IPO9: variants seen among roughly 807,000 people sequenced by gnomAD.
IPO9 encodes the protein importin 9, also known as importin-9.
In IPO9, 28 loss-of-function variants were observed where a neutral mutation model predicts 128.6. The ratio of observed to expected loss-of-function variants is 0.22; its 90% CI spans 0.16 to 0.30. The LOEUF is 0.30. IPO9 is among the 10% of genes least tolerant of loss of function. The pLI is 1.00. For missense variants in IPO9, 935 were observed against 1,293.9 expected, an observed-to-expected ratio of 0.72 and a Z score of 4.26; for synonymous variants, 455 against 475.8, an observed-to-expected ratio of 0.96 and a Z score of 0.57.
chr1:201,869,726 A>T lies in IPO9; in HGVS notation c.2133+8A>T. 6.2e-7 allele frequency: 1 copy of T among 1,613,906 alleles called. No homozygotes were observed. Among genetic ancestry groups the T allele is most frequent in the Non-Finnish European group, 8.5e-7 (1 of 1,179,874 alleles). On this transcript the variant is annotated splice_region_variant and intron_variant, in intron 17 of 23. Transcript: ENST00000361565. ...GACAATGCCACCATGCAGGTATCTGAGACATGGAGAGTAGAAGAGGGAAGA... is the reference window on the plus strand; with the variant it reads ...GACAATGCCACCATGCAGGTATCTGTGACATGGAGAGTAGAAGAGGGAAGA...
chr1:201,873,013 G>T (rs1680686847), intron 20 of IPO9, 52 bp downstream of exon 20: 2 of 1,548,438 alleles, frequency 1.3e-6, no homozygotes, highest in East Asian at 2.3e-5. Context: ...AGGGGCTAAG[G>T]ATACCTGGGT....
chr1:201,872,156 A>G (rs1466999658), intron 19 of IPO9, among the ~76,000 whole-genome samples: 1 of 152,144 alleles, frequency 6.6e-6, no homozygotes, highest in Non-Finnish European at 1.5e-5. Flanking sequence ...AATCGCTTGA[A>G]CCAAGGAGGC....
At position 201,880,174 on chromosome 1, in the gene IPO9, C is replaced by T. The variant is rs1680859371; in HGVS notation, c.*4120C>T. The stretch of plus-strand genomic sequence containing the variant: ...ACCAGTCTGGGCAATGTGGCAATAC[C>T]TTGTCTCTTAAAATTTAAAATAAAA... On this transcript the variant is annotated 3_prime_UTR_variant, in exon 24 of 24. Coordinates refer to ENST00000361565, the MANE Select transcript of IPO9 (RefSeq NM_018085.5). 1 of 152,136 alleles carries T rather than the reference C, an allele frequency of 6.6e-6. No homozygotes were observed. The highest frequency in any genetic ancestry group is 1.5e-5 in the Non-Finnish European group (1 of 68,038). The allele number at this position is 152,136 out of a possible 1,614,324, so 9.4% of individuals were successfully genotyped here. A position where few individuals can be genotyped will look rare whatever the true frequency, so the allele number is the denominator to read the frequency against.
rs192691280 is a variant in IPO9 at position 201,830,657 on chromosome 1, C to T, written c.163+1285C>T. Among the ~76,000 whole-genome samples, 5 of 152,232 alleles carry T rather than the reference C, an allele frequency of 3.3e-5. No individual in the cohort carries two copies. In the East Asian group the frequency reaches 9.6e-4, roughly 29 times the overall value. On this transcript the variant is annotated intron_variant, in intron 1 of 23. Coordinates refer to ENST00000361565, the MANE Select transcript of IPO9 (RefSeq NM_018085.5). ...TTTTTAGCGGCTTCTAAATAAAATTCGTTTATGCACATTAATGTCTGTCCC... is the reference window on the plus strand; with the variant it reads ...TTTTTAGCGGCTTCTAAATAAAATTTGTTTATGCACATTAATGTCTGTCCC...
rs369887178 is a variant in IPO9 at position 201,859,644 on chromosome 1, CAT to C, written c.1468+651_1468+652del. On this transcript the variant is annotated intron_variant, in intron 13 of 23. Transcript: ENST00000361565. ...AATTAAAATGTTCCATTCTCATACC[CAT>C]GTTAGCCATCTGTCTTAAAAAGAAA... Among the ~76,000 whole-genome samples the C allele has an allele frequency of 5.3e-5, 8 of 152,208 alleles. No homozygotes were observed. In the East Asian group the frequency reaches 1.5e-3, roughly 29 times the overall value.
At chr1:201,856,932 C>T (rs555585639) in intron 10 of IPO9, among the ~76,000 whole-genome samples, 164 bp from the exon 11 acceptor site, 1 of 152,206 alleles carries the variant, frequency 6.6e-6, no homozygotes, top group South Asian at 2.1e-4. Context: ...AGCAGTCCTC[C>T]CACCTTGGCC....
intron 1 of IPO9, among the ~76,000 whole-genome samples, chr1:201,833,586 T>G (rs1679876446): frequency 1.3e-5 from 2 of 152,286 alleles, no homozygotes; most frequent in East Asian, 3.9e-4. Flanking sequence ...GCTAGTCACT[T>G]GGAATCTGGA....
chr1:201,856,588 A>G (rs189155242), intron 10 of IPO9, among the ~76,000 whole-genome samples: 141 of 152,344 alleles, frequency 9.3e-4, no homozygotes, highest in African/African-American at 3.1e-3. Context: ...AGCCATTGCT[A>G]CCTACCTTGC....
intron 1 of IPO9, among the ~76,000 whole-genome samples, chr1:201,831,496 A>G (rs980610425): frequency 2.0e-5 from 3 of 152,168 alleles, no homozygotes; most frequent in African/African-American, 7.2e-5. Context: ...AAAAAACTAT[A>G]GAGATTTACC....
chr1:201,845,027 G>T (rs556211602), intron 1 of IPO9, among the ~76,000 whole-genome samples: 22 of 149,022 alleles, frequency 1.5e-4, no homozygotes, highest in African/African-American at 3.8e-4. Context: ...TTTTTGGGAG[G>T]GGGGGGCGTA....
At chr1:201,869,505 A>C in intron 16 of IPO9, 85 bp from the exon 17 acceptor site, 1 of 1,516,760 alleles carries the variant, frequency 6.6e-7, no homozygotes, top group Non-Finnish European at 8.9e-7. Flanking sequence ...GTTGCTATGT[A>C]ATACCCATCC....
intron 14 of IPO9, among the ~76,000 whole-genome samples, chr1:201,863,949 A>T (rs533939820): frequency 1.3e-5 from 2 of 152,246 alleles, no homozygotes; most frequent in African/African-American, 4.8e-5. Context: ...GCAGGATTAG[A>T]GTCCACATCA....
At chr1:201,845,177 C>T (rs989641295) in intron 1 of IPO9, among the ~76,000 whole-genome samples, 19 of 152,176 alleles carry the variant, frequency 1.2e-4, no homozygotes, top group African/African-American at 3.6e-4. Flanking sequence ...CCACCATATC[C>T]GGCTAATTTT....
rs539757722 is a variant in IPO9 at position 201,855,700 on chromosome 1, A to G, written c.971-83A>G. On this transcript the variant is annotated intron_variant, in intron 9 of 23. Coordinates refer to ENST00000361565, the MANE Select transcript of IPO9 (RefSeq NM_018085.5). ...TACTTTAAATATTCAGTAATTTACAAAGGTTATGTAGTTCATTTTCTGCAT... is the reference window on the plus strand; with the variant it reads ...TACTTTAAATATTCAGTAATTTACAGAGGTTATGTAGTTCATTTTCTGCAT... 14 of 1,213,396 alleles carry G rather than the reference A, an allele frequency of 1.2e-5. No individual in the cohort carries two copies. In the East Asian group the frequency reaches 2.9e-4, roughly 25 times the overall value. 75.2% of individuals were successfully genotyped at this position (1,213,396 alleles called of 1,614,324 possible).
chr1:201,848,687 A>G (rs562121762), intron 4 of IPO9, 93 bp downstream of exon 4: 38 of 1,214,434 alleles, frequency 3.1e-5, no homozygotes, highest in Non-Finnish European at 4.5e-5. Context: ...CTGGACCAGT[A>G]GGAATTGCTG....
intron 1 of IPO9, among the ~76,000 whole-genome samples, chr1:201,842,582 T>G (rs544379528): frequency 6.6e-6 from 1 of 152,310 alleles, no homozygotes; most frequent in South Asian, 2.1e-4. Flanking sequence ...CTTTGGAGTT[T>G]CTGAGGATTT....
At chr1:201,836,898 T>G (rs930738321) in intron 1 of IPO9, among the ~76,000 whole-genome samples, 8 of 152,234 alleles carry the variant, frequency 5.3e-5, no homozygotes, top group African/African-American at 1.9e-4. Flanking sequence ...CTATTTTATT[T>G]TAAAATTTGT....
At chr1:201,842,825 T>C (rs914392636) in intron 1 of IPO9, among the ~76,000 whole-genome samples, 2 of 152,202 alleles carry the variant, frequency 1.3e-5, no homozygotes, top group African/African-American at 4.8e-5. Context: ...TTCATTCTTG[T>C]GAGGTTGCAA....
chr1:201,847,470 G>C (rs1334276616), intron 2 of IPO9, 82 bp from the exon 3 acceptor site: 16 of 1,352,192 alleles, frequency 1.2e-5, no homozygotes, highest in Non-Finnish European at 1.7e-5. Flanking sequence ...ATATACTTCA[G>C]ATGTATCAGG....
Sources: allele counts gnomAD v4.1 joint callset (sites outside exome capture counted in the v4.1 genomes callset), GRCh38; gene constraint gnomAD v4.1.1; transcripts MANE v1.5; gene names NCBI Gene and HGNC (gene_info 2026-07-23, HGNC 2026-07-21).